Variants in ASS1 observed in about 807,000 individuals in gnomAD.
ASS1 encodes argininosuccinate synthase 1.
Under a neutral mutation model 60.5 loss-of-function variants are expected in ASS1, and 58 were observed. The observed-to-expected ratio is 0.96, with a 90% CI of 0.78 to 1.19. The LOEUF (loss-of-function observed/expected upper bound fraction) is 1.19, where lower values mean the gene tolerates loss of function less well. Among genes scored for constraint, ASS1 ranks in the 50% most tolerant of loss-of-function variants. The pLI is 0.00. For synonymous variants in ASS1, 200 were observed against 206.9 expected (o/e 0.97, Z 0.29); for missense variants, 454 against 547.3 (o/e 0.83, Z 1.70).
intron 3 of ASS1, among the ~76,000 whole-genome samples, chr9:130,457,184 T>G (rs1231840709): frequency 1.3e-5 from 2 of 152,252 alleles, no homozygotes; most frequent in Non-Finnish European, 2.9e-5. Flanking sequence ...CTGCATTCAC[T>G]TGTTTTTTCG....
At chr9:130,464,503 C>T (rs1214157274) in intron 5 of ASS1, among the ~76,000 whole-genome samples, 3 of 152,296 alleles carry the variant, frequency 2.0e-5, no homozygotes, top group South Asian at 2.1e-4. Flanking sequence ...AGGGATGGCT[C>T]TGGCACCCCA....
intron 11 of ASS1, among the ~76,000 whole-genome samples, chr9:130,482,116 G>A (rs1846187104): frequency 6.6e-6 from 1 of 152,146 alleles, no homozygotes. Flanking sequence ...AGGCACTTTA[G>A]TGGCAGGACC....
intron 13 of ASS1, among the ~76,000 whole-genome samples, chr9:130,496,134 G>A (rs1484242212): frequency 6.6e-6 from 1 of 152,022 alleles, no homozygotes; most frequent in Non-Finnish European, 1.5e-5. Context: ...GACAAGAAGG[G>A]AACTAGCCAG....
At chr9:130,452,395 CT>C in intron 2 of ASS1, 62 bp downstream of exon 2, 1 of 1,425,134 alleles carries the variant, frequency 7.0e-7, no homozygotes, top group Non-Finnish European at 9.9e-7. Context: ...TGTCTGCCCC[CT>C]GCCAGCCTCT....
At chr9:130,454,829 C>G (rs1406751105) in intron 3 of ASS1, among the ~76,000 whole-genome samples, 1 of 151,116 alleles carries the variant, frequency 6.6e-6, no homozygotes, top group Non-Finnish European at 1.5e-5. Flanking sequence ...ATCCATTCAC[C>G]CATCATCCAT....
intron 11 of ASS1, among the ~76,000 whole-genome samples, chr9:130,483,034 T>G (rs1474919093): frequency 6.6e-6 from 1 of 152,228 alleles, no homozygotes; most frequent in East Asian, 1.9e-4. Context: ...TCACCTATTT[T>G]CTTGCTTTGG....
At position 130,499,577 on chromosome 9, in the gene ASS1, A is replaced by G. The variant is rs1300114666; in HGVS notation, c.1193+7A>G. ...TCAACATCAATTCCCTCAGGTGAGA[A>G]GCTCAGGGCCCTGACGGGCCTTCAG... On this transcript the variant is annotated splice_region_variant and intron_variant, in intron 14 of 14. Transcript: ENST00000352480. 1 of 1,612,702 alleles carries G rather than the reference A, an allele frequency of 6.2e-7. No homozygotes were observed. The highest frequency in any genetic ancestry group is 1.7e-5 in the Admixed American group (1 of 59,878).
At chr9:130,469,197 C>A (rs898154050) in intron 6 of ASS1, among the ~76,000 whole-genome samples, 1 of 152,242 alleles carries the variant, frequency 6.6e-6, no homozygotes, top group East Asian at 1.9e-4. Flanking sequence ...GCTGGAGAGT[C>A]CAGTCTTGCC....
At chr9:130,448,949 A>G (rs1845262567) in intron 1 of ASS1, among the ~76,000 whole-genome samples, 1 of 152,184 alleles carries the variant, frequency 6.6e-6, no homozygotes, top group African/African-American at 2.4e-5. Flanking sequence ...GAGTGGAACT[A>G]GTAGCATTGT....
At chr9:130,466,843 C>T (rs1845755562) in intron 6 of ASS1, 44 bp downstream of exon 6, 1 of 1,599,452 alleles carries the variant, frequency 6.3e-7, no homozygotes, top group Non-Finnish European at 8.6e-7. Flanking sequence ...TCCCTATAGC[C>T]CCCTTCCCGG....
rs1846038835 is a variant in ASS1, at chr9:130,476,981, G to C, written c.688+20G>C. 6.2e-7 allele frequency: 1 copy of C among 1,608,538 alleles called. No individual in the cohort carries two copies. Among genetic ancestry groups the C allele is most frequent in the African/African-American group, 1.3e-5 (1 of 74,768 alleles). On this transcript the variant is annotated intron_variant, in intron 9 of 14. Coordinates refer to ENST00000352480, the MANE Select transcript of ASS1 (RefSeq NM_054012.4). The surrounding 1 kb of genome is among the most constrained non-coding windows in gnomAD (Gnocchi z 4.9). ...AAAAAGGTATGTGCCCACCTGTTGG[G>C]ACTCGAAGGGGGTTGACTTTTGGGG...
intron 1 of ASS1, chr9:130,450,368 C>T (rs903528557): frequency 3.1e-6 from 3 of 982,452 alleles, no homozygotes; most frequent in Non-Finnish European, 1.2e-6. Flanking sequence ...TGCCTGCCTT[C>T]CTCCCTCCTT....
Position 130,478,651 on chromosome 9 carries a change from C to T in ASS1, c.689-1065C>T, listed in dbSNP as rs759075002. ...GCACCAACAATGTCACCTCTTCTCC[C>T]GGGCAGGCCCCATCTAAGGCCCCAG... is the stretch of plus-strand genomic sequence containing the variant. On this transcript the variant is annotated intron_variant, in intron 9 of 14. Transcript: ENST00000352480. This position sits in a 1 kb window ranked among gnomAD's most constrained non-coding sequence, Gnocchi z 4.7. Among the ~76,000 whole-genome samples, 8 of 152,114 alleles carry T rather than the reference C, an allele frequency of 5.3e-5. No homozygotes were observed. Among genetic ancestry groups the T allele is most frequent in the Non-Finnish European group, 5.9e-5 (4 of 68,026 alleles).
Position 130,476,851 on chromosome 9 carries a change from C to T in ASS1, c.598-20C>T, listed in dbSNP as rs975805165. The T allele has an allele frequency of 1.9e-6, 3 of 1,607,876 alleles. No individual in the cohort carries two copies. The highest frequency in any genetic ancestry group is 2.6e-6 in the Non-Finnish European group (3 of 1,174,592). On this transcript the variant is annotated intron_variant, in intron 8 of 14. Transcript: ENST00000352480. This position sits in a 1 kb window ranked among gnomAD's most constrained non-coding sequence, Gnocchi z 4.9. ...AGGGACTGGTATGTCATCTGCCCAC[C>T]ACTTTCTGTCTTTTTTCAGAACCAA...
intron 1 of ASS1, chr9:130,451,787 C>A (rs1346700105): frequency 2.2e-6 from 1 of 456,030 alleles, no homozygotes; most frequent in Non-Finnish European, 4.4e-6. Context: ...CAGGGCCCTG[C>A]CTGGTGCTTG....
chr9:130,467,016 AGCCGCTCTGAG>A (rs1428786413), intron 6 of ASS1, among the ~76,000 whole-genome samples: 1 of 152,122 alleles, frequency 6.6e-6, no homozygotes, highest in Admixed American at 6.5e-5. Flanking sequence ...GCCAGGGCGG[AGCCGCTCTGAG>A]GCCATTTCCC....
At chr9:130,496,789 C>T (rs1011120999) in intron 13 of ASS1, among the ~76,000 whole-genome samples, 3 of 152,218 alleles carry the variant, frequency 2.0e-5, no homozygotes, top group African/African-American at 4.8e-5. Flanking sequence ...CACCAAGGGA[C>T]GAGGTGTCAC....
chr9:130,494,862 T>C lies in ASS1; in HGVS notation c.971-5T>C. 1 of 1,613,338 alleles carries C rather than the reference T, an allele frequency of 6.2e-7. No individual in the cohort carries two copies. Among genetic ancestry groups the C allele is most frequent in the Non-Finnish European group, 8.5e-7 (1 of 1,179,824 alleles). ...CCTAGTGGTATCCTGTTTTCCTCCC[T>C]GTAGGTTTCTGGCACAGCCCTGAGT... is the stretch of plus-strand genomic sequence containing the variant. On this transcript the variant is annotated splice_region_variant and splice_polypyrimidine_tract_variant and intron_variant, in intron 12 of 14. Transcript: ENST00000352480. This position sits in a 1 kb window ranked among gnomAD's most constrained non-coding sequence, Gnocchi z 4.3.
intron 11 of ASS1, among the ~76,000 whole-genome samples, chr9:130,485,676 C>T (rs1846290779): frequency 6.6e-6 from 1 of 152,152 alleles, no homozygotes; most frequent in Non-Finnish European, 1.5e-5. Context: ...TGGAATTTTC[C>T]AAAATGTACC....
Sources: gnomAD v4.1 joint callset for allele counts (sites outside exome capture counted in the v4.1 genomes callset) on GRCh38, gnomAD v4.1.1 for gene constraint, Gnocchi (gnomAD v3.1) non-coding constraint, MANE v1.5 for transcripts, NCBI Gene and HGNC (gene_info 2026-07-23, HGNC 2026-07-21) for gene names.